The following ITGA11 variants were observed in gnomAD, a reference collection of about 807,000 sequenced individuals.
ITGA11 encodes integrin alpha-11.
In ITGA11, 97 loss-of-function variants were observed where a neutral mutation model predicts 141.9. That is an observed-to-expected ratio of 0.68 (90% confidence interval 0.58 to 0.81). The LOEUF (loss-of-function observed/expected upper bound fraction) is 0.81, where lower values mean the gene tolerates loss of function less well. Among genes scored for constraint, ITGA11 ranks in the 30% least tolerant of loss-of-function variants. The pLI is 0.00. For missense variants in ITGA11, 1,387 were observed against 1,559.2 expected, an observed-to-expected ratio of 0.89 and a Z score of 1.86; for synonymous variants, 658 against 624.6, an observed-to-expected ratio of 1.05 and a Z score of -0.80.
At position 68,326,545 on chromosome 15, in the gene ITGA11, T is replaced by C; in HGVS notation, c.2211+109A>G. The stretch of plus-strand genomic sequence containing the variant: ...GGTACACTGTCCCTGGCTGGCTTCC[T>C]GAGGTCTGCTGGGGGCTTAGAACCA... On this transcript the variant is annotated intron_variant, in intron 17 of 29. Coordinates refer to ENST00000315757, the MANE Select transcript of ITGA11 (RefSeq NM_001004439.2). The surrounding 1 kb of genome is among the most constrained non-coding windows in gnomAD (Gnocchi z 6.8). 7.8e-7 allele frequency: 1 copy of C among 1,275,110 alleles called. No homozygotes were observed. Among genetic ancestry groups the C allele is most frequent in the Non-Finnish European group, 1.1e-6 (1 of 942,610 alleles). The allele number at this position is 1,275,110 out of a possible 1,614,324, so 79.0% of individuals were successfully genotyped here.
chr15:68,378,643 C>A (rs1895785586), intron 2 of ITGA11, among the ~76,000 whole-genome samples: 1 of 151,682 alleles, frequency 6.6e-6, no homozygotes, highest in African/African-American at 2.4e-5. Context: ...ATCCTGTCTC[C>A]AAAATAAATA....
chr15:68,348,178 A>G (rs2140327307), intron 10 of ITGA11, among the ~76,000 whole-genome samples: 1 of 152,290 alleles, frequency 6.6e-6, no homozygotes, highest in East Asian at 1.9e-4. Context: ...CGGGGGAGTG[A>G]TGCAGAGCCC....
At chr15:68,334,529 A>C (rs1273251002) in intron 12 of ITGA11, among the ~76,000 whole-genome samples, 1 of 152,160 alleles carries the variant, frequency 6.6e-6, no homozygotes, top group East Asian at 1.9e-4. Flanking sequence ...AAAAGCTTTT[A>C]ACTGAGGAGA....
intron 2 of ITGA11, among the ~76,000 whole-genome samples, chr15:68,399,925 C>G (rs1406780583): frequency 6.6e-6 from 1 of 152,106 alleles, no homozygotes; most frequent in African/African-American, 2.4e-5. Flanking sequence ...TGTAACAAAT[C>G]TGCACATGTA....
At chr15:68,360,633 C>CAT (rs1289395038) in intron 5 of ITGA11, among the ~76,000 whole-genome samples, 1 of 152,144 alleles carries the variant, frequency 6.6e-6, no homozygotes, top group African/African-American at 2.4e-5. Flanking sequence ...GTTCAGGGAC[C>CAT]ATAGGATGGT....
At chr15:68,320,422 C>G in intron 19 of ITGA11, 30 bp from the exon 20 acceptor site, 2 of 1,544,586 alleles carry the variant, frequency 1.3e-6, no homozygotes, top group South Asian at 2.4e-5. Flanking sequence ...AGAGACTGGG[C>G]AGATGGAATG....
Position 68,328,013 on chromosome 15 carries a change from G to A in ITGA11, c.2068+83C>T. The A allele has an allele frequency of 7.1e-7, 1 of 1,402,200 alleles. No individual in the cohort carries two copies. Among genetic ancestry groups the A allele is most frequent in the Non-Finnish European group, 9.6e-7 (1 of 1,042,534 alleles). 86.9% of individuals were successfully genotyped at this position (1,402,200 alleles called of 1,614,324 possible). A position where few individuals can be genotyped will look rare whatever the true frequency, so the allele number is the denominator to read the frequency against. ...ACCTGGCACTTAGCACCCATTTTGG[G>A]AAAAGCCCAGGCTTTGAAATAGAGC... On this transcript the variant is annotated intron_variant, in intron 16 of 29. Coordinates refer to ENST00000315757, the MANE Select transcript of ITGA11 (RefSeq NM_001004439.2). The surrounding 1 kb of genome is among the most constrained non-coding windows in gnomAD (Gnocchi z 4.8).
Position 68,429,461 on chromosome 15 carries a change from A to AC in ITGA11, c.52+2553dup, listed in dbSNP as rs1897219490. On this transcript the variant is annotated intron_variant, in intron 1 of 29. Transcript: ENST00000315757. Reference sequence around the variant, plus strand: ...TGGATCTCTCTCTTTGGACTTGATTACTTTTTTTTTAGGCTTTCCTGTTAG... The same window carrying AC: ...TGGATCTCTCTCTTTGGACTTGATTACCTTTTTTTTTAGGCTTTCCTGTTAG... Among the ~76,000 whole-genome samples, 3 of 152,112 alleles carry AC rather than the reference A, an allele frequency of 2.0e-5. No individual in the cohort carries two copies. In the South Asian group the frequency reaches 6.2e-4, roughly 32 times the overall value.
At chr15:68,431,788 C>G (rs1374331093) in intron 1 of ITGA11, among the ~76,000 whole-genome samples, 1 of 152,244 alleles carries the variant, frequency 6.6e-6, no homozygotes, top group Non-Finnish European at 1.5e-5. Context: ...TCTTCCCAAA[C>G]ACACCAAAGA....
chr15:68,308,516 C>T lies in ITGA11; in HGVS notation c.3175-820G>A, dbSNP rs1180829181. On this transcript the variant is annotated intron_variant, in intron 26 of 29. Transcript: ENST00000315757. The surrounding 1 kb of genome is among the most constrained non-coding windows in gnomAD (Gnocchi z 5.2). Reference sequence around the variant, plus strand: ...CAGCACTTTGGGAGGCCAAGGCAGGCGGATCACAAGGTCAGGAGATCGAGA... The same window carrying T: ...CAGCACTTTGGGAGGCCAAGGCAGGTGGATCACAAGGTCAGGAGATCGAGA... 1.3e-5 allele frequency among the ~76,000 whole-genome samples: 2 copies of T among 151,950 alleles called. No individual in the cohort carries two copies. Among genetic ancestry groups the T allele is most frequent in the African/African-American group, 2.4e-5 (1 of 41,366 alleles).
intron 10 of ITGA11, among the ~76,000 whole-genome samples, chr15:68,341,927 C>T (rs1308697014): frequency 6.6e-6 from 1 of 152,190 alleles, no homozygotes; most frequent in East Asian, 1.9e-4. Context: ...CTTACAGTCT[C>T]CCACCTCATC....
intron 2 of ITGA11, among the ~76,000 whole-genome samples, chr15:68,395,377 C>T (rs1412001716): frequency 2.6e-5 from 4 of 151,400 alleles, no homozygotes; most frequent in African/African-American, 7.3e-5. Context: ...TAACAAACTT[C>T]TCCGAGCTAA....
At chr15:68,407,804 T>C (rs574176095) in intron 1 of ITGA11, among the ~76,000 whole-genome samples, 2 of 152,198 alleles carry the variant, frequency 1.3e-5, no homozygotes, top group Non-Finnish European at 2.9e-5. Context: ...GAGCATCACT[T>C]GGGGCTCACA....
At chr15:68,331,253 T>A in intron 14 of ITGA11, 142 bp from the exon 15 acceptor site, 1 of 679,538 alleles carries the variant, frequency 1.5e-6, no homozygotes, top group Non-Finnish European at 2.5e-6. Context: ...AGCAATCTCC[T>A]CTCTTGGCCT....
In ITGA11 at chr15:68,321,429, C is replaced by T; in HGVS notation, c.2397G>A (p.Leu799=). Residue 799 remains leucine, a synonymous_variant, in exon 19 of 30, where the codon CTG becomes CTA. Coordinates refer to ENST00000315757, the MANE Select transcript of ITGA11 (RefSeq NM_001004439.2). This position sits in a 1 kb window ranked among gnomAD's most constrained non-coding sequence, Gnocchi z 4.9. The part of the protein sequence containing the change: ...PDLVLDARSD[L]PTAMEYCQRV... The stretch of plus-strand genomic sequence containing the variant: ...AGGAGCCAACTCACATGGCCGTGGG[C>T]AGGTCACTCCGGGCATCCAACACAA... 6.3e-7 allele frequency: 1 copy of T among 1,584,804 alleles called. No individual in the cohort carries two copies.
chr15:68,372,576 C>T (rs985918569), intron 2 of ITGA11, among the ~76,000 whole-genome samples: 13 of 152,254 alleles, frequency 8.5e-5, no homozygotes, highest in African/African-American at 3.1e-4. Context: ...GGGCAACAGA[C>T]ATTCCAGCCA....
At chr15:68,354,160 T>C (rs1407856982) in intron 7 of ITGA11, among the ~76,000 whole-genome samples, 1 of 151,426 alleles carries the variant, frequency 6.6e-6, no homozygotes, top group Non-Finnish European at 1.5e-5. Flanking sequence ...CTCTTTCTAG[T>C]ATGCTGTTAT....
chr15:68,371,739 A>G (rs1895596791), intron 2 of ITGA11, among the ~76,000 whole-genome samples: 2 of 151,920 alleles, frequency 1.3e-5, no homozygotes, highest in African/African-American at 4.8e-5. Context: ...AAAGAAAGAA[A>G]GGCACCGAGA....
In ITGA11 at chr15:68,351,359, CCTT is replaced by C; in HGVS notation, c.790_792del (p.Lys264del). The C allele has an allele frequency of 6.2e-7, 1 of 1,613,992 alleles. No individual in the cohort carries two copies. The highest frequency in any genetic ancestry group is 8.5e-7 in the Non-Finnish European group (1 of 1,179,882). On this transcript the variant is annotated inframe_deletion, in exon 8 of 30. Coordinates refer to ENST00000315757, the MANE Select transcript of ITGA11 (RefSeq NM_001004439.2). ...TCCCCATCTGTGATGACAATCATCA[CCTT>C]CTTGGCTCCTTTCCTTCCACCCTTC...
Sources: allele counts gnomAD v4.1 joint callset (sites outside exome capture counted in the v4.1 genomes callset), GRCh38; gene constraint gnomAD v4.1.1; non-coding constraint Gnocchi (gnomAD v3.1); transcripts MANE v1.5; gene names NCBI Gene and HGNC (gene_info 2026-07-23, HGNC 2026-07-21).